KCNQ1: variants seen among roughly 807,000 people sequenced by gnomAD.
The protein encoded by KCNQ1 is potassium voltage-gated channel subfamily Q member 1.
Under a neutral mutation model 72.4 loss-of-function variants are expected in KCNQ1, and 49 were observed. The ratio of observed to expected loss-of-function variants is 0.68; its 90% CI spans 0.54 to 0.86. The LOEUF (loss-of-function observed/expected upper bound fraction) is 0.86, where lower values mean the gene tolerates loss of function less well. KCNQ1 is among the 40% of genes least tolerant of loss of function. The pLI, the probability that KCNQ1 is intolerant of heterozygous loss-of-function variation, is 0.00. For missense variants in KCNQ1, 790 were observed against 945.1 expected (o/e 0.84, Z 2.15); for synonymous variants, 450 against 412.6 (o/e 1.09, Z -1.10).
intron 10 of KCNQ1, among the ~76,000 whole-genome samples, chr11:2,590,545 T>C (rs1329144737): frequency 6.6e-6 from 1 of 152,200 alleles, no homozygotes; most frequent in Non-Finnish European, 1.5e-5. Flanking sequence ...TTCCAGGTGG[T>C]GGGGGGAGCA....
At chr11:2,527,749 AT>A (rs1364775177) in intron 1 of KCNQ1, among the ~76,000 whole-genome samples, 178 bp from the exon 2 acceptor site, 1 of 152,212 alleles carries the variant, frequency 6.6e-6, no homozygotes, top group Non-Finnish European at 1.5e-5. Flanking sequence ...GCGGGACGGC[AT>A]CCCTCGTGCG....
chr11:2,603,458 C>A lies in KCNQ1; in HGVS notation c.1393+14604C>A, dbSNP rs1271149090. On this transcript the variant is annotated intron_variant, in intron 10 of 15. Coordinates refer to ENST00000155840, the MANE Select transcript of KCNQ1 (RefSeq NM_000218.3). The surrounding 1 kb of genome is among the most constrained non-coding windows in gnomAD (Gnocchi z 4.1). The stretch of plus-strand genomic sequence containing the variant: ...CCTGTGTATCCCCAGAGCTGTGCAA[C>A]TGCCACTCCAGTTTGAGAACATTTT... Among the ~76,000 whole-genome samples, 3 of 152,180 alleles carry A rather than the reference C, an allele frequency of 2.0e-5. No homozygotes were observed. Among genetic ancestry groups the A allele is most frequent in the Admixed American group, 2.0e-4 (3 of 15,282 alleles).
chr11:2,842,046 T>C (rs1288695037), intron 15 of KCNQ1, among the ~76,000 whole-genome samples: 1 of 152,086 alleles, frequency 6.6e-6, no homozygotes, highest in Non-Finnish European at 1.5e-5. Flanking sequence ...GCGGTGTGGG[T>C]CCCCAGCCGC....
intron 11 of KCNQ1, among the ~76,000 whole-genome samples, chr11:2,756,951 T>TAA (rs58284663): frequency 0.03 from 1,523 of 50,986 alleles, 189 homozygotes; most frequent in South Asian, 0.054. Context: ...AAGAGCATCT[T>TAA]AAAAAAAAAA....
chr11:2,772,177 G>C lies in KCNQ1; in HGVS notation c.1590+3258G>C, dbSNP rs537958362. On this transcript the variant is annotated intron_variant, in intron 12 of 15. Transcript: ENST00000155840. The surrounding 1 kb of genome is among the most constrained non-coding windows in gnomAD (Gnocchi z 6.6). ...GTGTGTGGCTCCAGGGGCTCCCCTA[G>C]CCCACCTCTCAGGATGCTTCCCTTC... Among the ~76,000 whole-genome samples, 2 of 152,112 alleles carry C rather than the reference G, an allele frequency of 1.3e-5. No individual in the cohort carries two copies. Among genetic ancestry groups the C allele is most frequent in the Non-Finnish European group, 2.9e-5 (2 of 67,952 alleles).
At chr11:2,551,032 G>A (rs897100644) in intron 2 of KCNQ1, among the ~76,000 whole-genome samples, 4 of 152,156 alleles carry the variant, frequency 2.6e-5, no homozygotes, top group Non-Finnish European at 1.5e-5. Context: ...CCTCTAAATA[G>A]ATTAACTAAA....
intron 11 of KCNQ1, among the ~76,000 whole-genome samples, chr11:2,717,755 C>T (rs1405887609): frequency 6.6e-6 from 1 of 152,168 alleles, no homozygotes; most frequent in South Asian, 2.1e-4. Context: ...CACTGGGGAG[C>T]CTGAGATAGA....
intron 15 of KCNQ1, among the ~76,000 whole-genome samples, chr11:2,844,369 G>A (rs1025858762): frequency 1.3e-5 from 2 of 152,230 alleles, no homozygotes; most frequent in Non-Finnish European, 2.9e-5. Context: ...CAGCTGGGAT[G>A]ATGAGAGCAT....
At chr11:2,583,243 G>A (rs1037723297) in intron 6 of KCNQ1, among the ~76,000 whole-genome samples, 192 bp from the exon 7 acceptor site, 2 of 152,168 alleles carry the variant, frequency 1.3e-5, no homozygotes, top group Admixed American at 1.3e-4. Flanking sequence ...GTGTGACGCC[G>A]AGAGCCTGGG....
At chr11:2,760,750 G>A (rs1320604009) in intron 11 of KCNQ1, among the ~76,000 whole-genome samples, 5 of 152,218 alleles carry the variant, frequency 3.3e-5, no homozygotes, top group East Asian at 3.9e-4. Flanking sequence ...TCCTGCATCA[G>A]TGCTACTGAA....
Position 2,478,336 on chromosome 11 carries a change from C to A in KCNQ1, c.386+32852C>A, listed in dbSNP as rs1261678276. 3.3e-5 allele frequency among the ~76,000 whole-genome samples: 5 copies of A among 152,152 alleles called. No homozygotes were observed. ...GATTCCACTATGTTATGTATTAGTC[C>A]ATTTTCAAATTACTGATAAAGACAT... On this transcript the variant is annotated intron_variant, in intron 1 of 15. Transcript: ENST00000155840. This position sits in a 1 kb window ranked among gnomAD's most constrained non-coding sequence, Gnocchi z 4.0.
intron 11 of KCNQ1, chr11:2,697,645 C>T (rs1160707765): frequency 7.5e-6 from 3 of 398,414 alleles, no homozygotes; most frequent in Non-Finnish European, 8.8e-6. Context: ...GGTTTTTCTC[C>T]TGTAGCCTCT....
In KCNQ1 at chr11:2,768,977, T is replaced by G; in HGVS notation, c.1590+58T>G. ...CCTGCCCCTCGCAGCCTGATGCAGC[T>G]GCCCACACCTCTCCTGGGTTCTCTC... On this transcript the variant is annotated intron_variant, in intron 12 of 15. Transcript: ENST00000155840. The surrounding 1 kb of genome is among the most constrained non-coding windows in gnomAD (Gnocchi z 6.7). The G allele has an allele frequency of 7.4e-7, 1 of 1,356,422 alleles. No homozygotes were observed. The highest frequency in any genetic ancestry group is 1.1e-6 in the Non-Finnish European group (1 of 946,850). The allele number at this position is 1,356,422 out of a possible 1,614,324, so 84.0% of individuals were successfully genotyped here.
Position 2,847,974 on chromosome 11 carries a change from C to T in KCNQ1, c.2002C>T (p.Pro668Ser). The T allele has an allele frequency of 6.4e-7, 1 of 1,555,954 alleles. No homozygotes were observed. Among genetic ancestry groups the T allele is most frequent in the Non-Finnish European group, 8.7e-7 (1 of 1,148,594 alleles). Residue 668 changes from proline to serine, a missense_variant, in exon 16 of 16, where the codon CCC becomes TCC. Physicochemically the swap from Pro to Ser is moderately conservative, Grantham distance 74 (BLOSUM62 -1). Around this residue, in one of 5 missense-constraint regions of KCNQ1, gnomAD observed 94 missense variants for 85.2 expected, o/e 1.10. Coordinates refer to ENST00000155840, the MANE Select transcript of KCNQ1 (RefSeq NM_000218.3). ...TLPTYEQLTV[P>S]RRGPDEGS ...GCCCACCTACGAGCAGCTGACCGTG[C>T]CCAGGAGGGGCCCCGATGAGGGGTC...
chr11:2,776,900 CGTCAA>C, intron 13 of KCNQ1, 81 bp from the exon 14 acceptor site: 2 of 1,352,588 alleles, frequency 1.5e-6, no homozygotes, highest in Non-Finnish European at 2.1e-6. Context: ...TTGCCGGGCA[CGTCAA>C]GCTGTCTGTC....
In KCNQ1 at chr11:2,471,969, GGTGTGTGTGCACCTATGTGTATAA is replaced by G. The variant is rs1564790649; in HGVS notation, c.386+26498_386+26521del. ...GTGTAGGTGTGTGTTCATATATATG[GGTGTGTGTGCACCTATGTGTATAA>G]GTGTGTGTGCACATGTGTATAGGTG... On this transcript the variant is annotated intron_variant, in intron 1 of 15. Coordinates refer to ENST00000155840, the MANE Select transcript of KCNQ1 (RefSeq NM_000218.3). The surrounding 1 kb of genome is among the most constrained non-coding windows in gnomAD (Gnocchi z 4.8). 1.3e-5 allele frequency among the ~76,000 whole-genome samples: 2 copies of G among 149,668 alleles called. No individual in the cohort carries two copies. Among genetic ancestry groups the G allele is most frequent in the Non-Finnish European group, 3.0e-5 (2 of 67,378 alleles).
intron 15 of KCNQ1, among the ~76,000 whole-genome samples, chr11:2,799,643 G>A (rs1847218313): frequency 6.6e-6 from 1 of 152,138 alleles, no homozygotes; most frequent in Non-Finnish European, 1.5e-5. Context: ...CGTGCACTCG[G>A]TGTCCAGGGA....
Position 2,679,792 on chromosome 11 carries a change from A to C in KCNQ1, c.1514+17711A>C, listed in dbSNP as rs920739733. Reference sequence around the variant, plus strand: ...ACACTAGGGCCTGTTAGGCCAGTTGAGGGCTAGAGGAGCACAAGGGGCCAG... The same window carrying C: ...ACACTAGGGCCTGTTAGGCCAGTTGCGGGCTAGAGGAGCACAAGGGGCCAG... On this transcript the variant is annotated intron_variant, in intron 11 of 15. Coordinates refer to ENST00000155840, the MANE Select transcript of KCNQ1 (RefSeq NM_000218.3). This position sits in a 1 kb window ranked among gnomAD's most constrained non-coding sequence, Gnocchi z 4.8. 3.0e-5 allele frequency: 12 copies of C among 398,496 alleles called. No homozygotes were observed. The highest frequency in any genetic ancestry group is 5.3e-5 in the Non-Finnish European group (12 of 226,070). The allele number at this position is 398,496 out of a possible 1,614,324, so 24.7% of individuals were successfully genotyped here. A position where few individuals can be genotyped will look rare whatever the true frequency, so the allele number is the denominator to read the frequency against.
chr11:2,695,402 TAC>T lies in KCNQ1; in HGVS notation c.1514+33325_1514+33326del, dbSNP rs1451962230. On this transcript the variant is annotated intron_variant, in intron 11 of 15. Coordinates refer to ENST00000155840, the MANE Select transcript of KCNQ1 (RefSeq NM_000218.3). The surrounding 1 kb of genome is among the most constrained non-coding windows in gnomAD (Gnocchi z 5.2). ...GGGTGGTGTGTAATTTTAATTTAAATACACAGTCATGTACTGAGGCCCTCTTT... is the reference window on the plus strand; with the variant it reads ...GGGTGGTGTGTAATTTTAATTTAAATACAGTCATGTACTGAGGCCCTCTTT... 7.5e-6 allele frequency: 3 copies of T among 398,496 alleles called. No homozygotes were observed. Among genetic ancestry groups the T allele is most frequent in the Middle Eastern group, 6.2e-4 (1 of 1,610 alleles). 24.7% of individuals were successfully genotyped at this position (398,496 alleles called of 1,614,324 possible). A position where few individuals can be genotyped will look rare whatever the true frequency, so the allele number is the denominator to read the frequency against.
Sources: gnomAD v4.1 joint callset for allele counts (sites outside exome capture counted in the v4.1 genomes callset) on GRCh38, gnomAD v4.1.1 for gene constraint, gnomAD v4.1.1 regional missense constraint, Gnocchi (gnomAD v3.1) non-coding constraint, MANE v1.5 for transcripts, NCBI Gene and HGNC (gene_info 2026-07-23, HGNC 2026-07-21) for gene names.